Variants in TSPAN11 observed in about 807,000 individuals in gnomAD.
The protein encoded by TSPAN11 is tetraspanin 11.
In TSPAN11, 29 loss-of-function variants were observed where a neutral mutation model predicts 32.9. The observed-to-expected ratio is 0.88, with a 90% confidence interval of 0.66 to 1.20. The LOEUF is 1.20. Among genes scored for constraint, TSPAN11 ranks in the 50% most tolerant of loss-of-function variants. The pLI is 0.00. For synonymous variants in TSPAN11, 140 were observed against 141.3 expected (o/e 0.99, Z 0.07); for missense variants, 283 against 329.1 (o/e 0.86, Z 1.08).
chr12:30,987,819 TG>T, intron 7 of TSPAN11, among the ~76,000 whole-genome samples: 1 of 152,274 alleles, frequency 6.6e-6, no homozygotes, highest in East Asian at 1.9e-4. Flanking sequence ...CTCGTGGTCT[TG>T]AAATGCCCAA....
At chr12:30,958,175 T>A (rs1163199221) in intron 2 of TSPAN11, among the ~76,000 whole-genome samples, 1 of 152,054 alleles carries the variant, frequency 6.6e-6, no homozygotes, top group African/African-American at 2.4e-5. Context: ...GTAAGACTCA[T>A]GAGATTTTGC....
chr12:30,961,054 G>GTTAT (rs1011622226), intron 2 of TSPAN11, among the ~76,000 whole-genome samples: 2 of 150,974 alleles, frequency 1.3e-5, no homozygotes, highest in African/African-American at 4.9e-5. Flanking sequence ...GAAAAATGTA[G>GTTAT]TTATTACCCT....
intron 5 of TSPAN11, among the ~76,000 whole-genome samples, chr12:30,980,284 A>G (rs2140304545): frequency 1.3e-5 from 2 of 152,320 alleles, no homozygotes; most frequent in Admixed American, 1.3e-4. Flanking sequence ...GTCCTGTTCA[A>G]TACGGTAGTC....
chr12:30,944,700 A>G (rs1938232572), intron 1 of TSPAN11, among the ~76,000 whole-genome samples: 1 of 152,254 alleles, frequency 6.6e-6, no homozygotes, highest in South Asian at 2.1e-4. Flanking sequence ...GTCTTTTAAA[A>G]GAAGGAAATC....
In TSPAN11 at chr12:30,957,089, C is replaced by T. The variant is rs1021099364; in HGVS notation, c.84+3014C>T. 6.6e-5 allele frequency among the ~76,000 whole-genome samples: 10 copies of T among 152,294 alleles called. No individual in the cohort carries two copies. In the East Asian group the frequency reaches 7.7e-4, roughly 12 times the overall value. On this transcript the variant is annotated intron_variant, in intron 2 of 7. Transcript: ENST00000546076. ...GCCGTGGGAGGGAAGCACCTTCTGC[C>T]GAGTCTCAAAGCCCTTCTCTTCGTA...
chr12:30,958,347 A>G (rs1259423555), intron 2 of TSPAN11, among the ~76,000 whole-genome samples: 2 of 152,166 alleles, frequency 1.3e-5, no homozygotes, highest in African/African-American at 4.8e-5. Context: ...GATTCCATAA[A>G]CCAAGGCAGC....
the TSPAN11 span, among the ~76,000 whole-genome samples, chr12:31,005,116 A>G: frequency 6.6e-6 from 1 of 152,210 alleles, no homozygotes; most frequent in Admixed American, 6.5e-5. Flanking sequence ...GGGGTCCTGT[A>G]TTCCCACAGG....
chr12:30,968,729 T>C (rs768509254), intron 3 of TSPAN11, among the ~76,000 whole-genome samples: 1 of 152,180 alleles, frequency 6.6e-6, no homozygotes, highest in Non-Finnish European at 1.5e-5. Flanking sequence ...TTCTTTTCTA[T>C]TTAGGGGATG....
intron 1 of TSPAN11, among the ~76,000 whole-genome samples, chr12:30,930,706 A>C (rs149822238): frequency 6.6e-6 from 1 of 152,340 alleles, no homozygotes; most frequent in African/African-American, 2.4e-5. Flanking sequence ...TCTTATGGCA[A>C]GGAGGGGGCT....
chr12:30,948,465 A>C (rs1938314322), intron 1 of TSPAN11, among the ~76,000 whole-genome samples: 1 of 152,216 alleles, frequency 6.6e-6, no homozygotes, highest in South Asian at 2.1e-4. Context: ...AGAGGTTCCC[A>C]AACCTCAGTT....
intron 2 of TSPAN11, among the ~76,000 whole-genome samples, chr12:30,962,886 G>T (rs1035378890): frequency 6.6e-6 from 1 of 152,134 alleles, no homozygotes; most frequent in Non-Finnish European, 1.5e-5. Flanking sequence ...TCCCCATCTG[G>T]CACCCTGAAG....
At chr12:30,932,044 G>A (rs773999572) in intron 1 of TSPAN11, among the ~76,000 whole-genome samples, 3 of 151,622 alleles carry the variant, frequency 2.0e-5, no homozygotes, top group Non-Finnish European at 4.4e-5. Context: ...AGTCATCACC[G>A]AGACTGTGCC....
At chr12:30,935,100 A>G (rs536327151) in intron 1 of TSPAN11, among the ~76,000 whole-genome samples, 4 of 152,248 alleles carry the variant, frequency 2.6e-5, no homozygotes, top group Admixed American at 6.5e-5. Flanking sequence ...CACTCTCCCC[A>G]GCCAAATTCC....
rs377680054 is a variant in TSPAN11 at position 30,964,005 on chromosome 12, C to T, written c.264C>T (p.Gly88=). 6.2e-7 allele frequency: 1 copy of T among 1,613,294 alleles called. No homozygotes were observed. The highest frequency in any genetic ancestry group is 8.5e-7 in the Non-Finnish European group (1 of 1,179,902). The part of the protein sequence containing the change: ...GFGAILWERK[G]CLSTYFCLLL... Reference sequence around the variant, plus strand: ...GTGCCATCCTCTGGGAGCGGAAGGGCTGCCTCTCCACGGTCAGTGCCCGCC... The same window carrying T: ...GTGCCATCCTCTGGGAGCGGAAGGGTTGCCTCTCCACGGTCAGTGCCCGCC... Residue 88 remains glycine (G), a synonymous_variant, in exon 3 of 8, where the codon GGC becomes GGT. Transcript: ENST00000546076.
intron 1 of TSPAN11, among the ~76,000 whole-genome samples, chr12:30,947,729 A>G (rs752853350): frequency 1.3e-5 from 2 of 152,114 alleles, no homozygotes; most frequent in Non-Finnish European, 1.5e-5. Flanking sequence ...ATTCAAGTTG[A>G]CATTTGGGTG....
At chr12:30,977,107 G>A (rs979391255) in intron 3 of TSPAN11, among the ~76,000 whole-genome samples, 3 of 152,194 alleles carry the variant, frequency 2.0e-5, no homozygotes, top group African/African-American at 7.2e-5. Context: ...CATTTGAAAG[G>A]AAACCTTGCT....
chr12:30,996,919 C>A (rs1939426500), downstream of TSPAN11: 1 of 152,224 alleles, frequency 6.6e-6, no homozygotes, highest in Admixed American at 6.5e-5. Context: ...GTTTTCCTAC[C>A]ATTTACCATG....
At position 30,940,893 on chromosome 12, in the gene TSPAN11, C is replaced by T. The variant is rs570326750; in HGVS notation, c.-11-13088C>T. Among the ~76,000 whole-genome samples, 68 of 152,252 alleles carry T rather than the reference C, an allele frequency of 4.5e-4. 1 individual carries two copies. The highest frequency in any genetic ancestry group is 3.1e-3 in the South Asian group (15 of 4,812). Reference sequence around the variant, plus strand: ...GTGGCATTAGATTCTCATAGGAGCACGAACCCTATTATGAATTCACATGTG... The same window carrying T: ...GTGGCATTAGATTCTCATAGGAGCATGAACCCTATTATGAATTCACATGTG... On this transcript the variant is annotated intron_variant, in intron 1 of 7. Coordinates refer to ENST00000546076, the MANE Select transcript of TSPAN11 (RefSeq NM_001370302.1).
Position 30,957,733 on chromosome 12 carries a change from TTCCC to T in TSPAN11, c.84+3674_84+3677del, listed in dbSNP as rs1425757339. On this transcript the variant is annotated intron_variant, in intron 2 of 7. Coordinates refer to ENST00000546076, the MANE Select transcript of TSPAN11 (RefSeq NM_001370302.1). ...CTTCCTTCCTTCCTTCCTTCCCTCC[TTCCC>T]TCCCTCCCTCCCTCCTTCCTTCCTT... Among the ~76,000 whole-genome samples, 24 of 15,464 alleles carry T rather than the reference TTCCC, an allele frequency of 1.6e-3. 2 individuals carry two copies. The highest frequency in any genetic ancestry group is 3.9e-3 in the Admixed American group (4 of 1,034). The allele number at this position is 15,464 out of a possible 152,430, so 10.1% of individuals were successfully genotyped here.
Sources: gnomAD v4.1 joint callset for allele counts (sites outside exome capture counted in the v4.1 genomes callset) on GRCh38, gnomAD v4.1.1 for gene constraint, MANE v1.5 for transcripts, NCBI Gene and HGNC (gene_info 2026-07-23, HGNC 2026-07-21) for gene names.